Variants in SEPTIN9 observed in about 807,000 individuals in gnomAD.
SEPTIN9 encodes septin-9.
SEPTIN9 carries 13 observed loss-of-function variants against 56.6 expected under a neutral mutation model. The ratio of observed to expected loss-of-function variants is 0.23; its 90% CI spans 0.15 to 0.37. The LOEUF (loss-of-function observed/expected upper bound fraction) is 0.37. SEPTIN9 is among the 10% of genes least tolerant of loss of function. The pLI is 1.00. For missense variants in SEPTIN9, 650 were observed against 823.1 expected (o/e 0.79, Z 2.57); for synonymous variants, 332 against 334.1 (o/e 0.99, Z 0.07).
intron 3 of SEPTIN9, among the ~76,000 whole-genome samples, chr17:77,460,565 C>T (rs1043553333): frequency 3.9e-5 from 6 of 152,148 alleles, no homozygotes; most frequent in African/African-American, 7.2e-5. Flanking sequence ...ATACGGGGAG[C>T]GAGAGGGCTT....
At chr17:77,441,918 T>G (rs965920532) in intron 3 of SEPTIN9, among the ~76,000 whole-genome samples, 3 of 152,154 alleles carry the variant, frequency 2.0e-5, no homozygotes, top group Non-Finnish European at 1.5e-5. Context: ...GACACTGCAG[T>G]GAAGAGGTGG....
chr17:77,388,760 C>T (rs556307618), intron 2 of SEPTIN9, among the ~76,000 whole-genome samples: 5 of 147,534 alleles, frequency 3.4e-5, no homozygotes, highest in Admixed American at 6.7e-5. Context: ...CAGAGAGCCC[C>T]GTGATTAATG....
At chr17:77,295,959 T>C (rs1475069645) in intron 1 of SEPTIN9, among the ~76,000 whole-genome samples, 2 of 152,088 alleles carry the variant, frequency 1.3e-5, no homozygotes, top group African/African-American at 4.8e-5. Flanking sequence ...TAACTCCCAA[T>C]GCAGCTGTAA....
chr17:77,496,861 T>C (rs1016305384), intron 10 of SEPTIN9, among the ~76,000 whole-genome samples: 8 of 152,224 alleles, frequency 5.3e-5, no homozygotes, highest in Non-Finnish European at 1.2e-4. Context: ...AGGTTTTCTT[T>C]AAAATCCCAG....
chr17:77,463,036 G>A (rs942384896), intron 3 of SEPTIN9, among the ~76,000 whole-genome samples: 56 of 152,164 alleles, frequency 3.7e-4, no homozygotes, highest in African/African-American at 1.4e-4. Flanking sequence ...CAGTGAGCCC[G>A]TGGGGGTCTC....
chr17:77,463,693 A>G (rs1419172408), intron 3 of SEPTIN9, among the ~76,000 whole-genome samples: 1 of 151,974 alleles, frequency 6.6e-6, no homozygotes, highest in Non-Finnish European at 1.5e-5. Flanking sequence ...AAATACAAAA[A>G]TTAGCCAGGC....
At chr17:77,287,159 G>A (rs984461570) in intron 1 of SEPTIN9, among the ~76,000 whole-genome samples, 12 of 152,220 alleles carry the variant, frequency 7.9e-5, no homozygotes, top group Non-Finnish European at 1.2e-4. Context: ...ATCTGGAATC[G>A]CTGACCAAAG....
At chr17:77,348,303 T>TTG (rs2033951401) in intron 2 of SEPTIN9, among the ~76,000 whole-genome samples, 1 of 144,568 alleles carries the variant, frequency 6.9e-6, no homozygotes, top group Admixed American at 6.9e-5. Context: ...TGTTTTTTTT[T>TTG]TTTTTTTTTT....
chr17:77,289,477 C>T (rs1445941014), intron 1 of SEPTIN9, among the ~76,000 whole-genome samples: 1 of 141,336 alleles, frequency 7.1e-6, no homozygotes, highest in East Asian at 2.2e-4. Flanking sequence ...GGCGCGATCT[C>T]AGCTCACTGC....
chr17:77,307,069 G>A, intron 1 of SEPTIN9, 72 bp from the exon 2 acceptor site: 1 of 1,380,114 alleles, frequency 7.2e-7, no homozygotes, highest in Non-Finnish European at 1.0e-6. Context: ...GACATTCCTG[G>A]TGTTAATCAT....
intron 3 of SEPTIN9, among the ~76,000 whole-genome samples, chr17:77,412,212 C>T (rs932365732): frequency 6.6e-6 from 1 of 152,034 alleles, no homozygotes; most frequent in Admixed American, 6.6e-5. Context: ...TAGGACCCCT[C>T]CCCTCGTCGA....
intron 3 of SEPTIN9, among the ~76,000 whole-genome samples, chr17:77,479,810 G>A (rs1428271078): frequency 6.6e-6 from 1 of 152,118 alleles, no homozygotes; most frequent in Admixed American, 6.5e-5. Flanking sequence ...GCTGGTCCCA[G>A]TCCCAGGCAA....
rs560462464 is a variant in SEPTIN9, at chr17:77,314,180, AT to A, written c.76+6997del. 5.8e-3 allele frequency among the ~76,000 whole-genome samples: 826 copies of A among 142,816 alleles called. 9 individuals carry two copies. The highest frequency in any genetic ancestry group is 0.027 in the South Asian group (124 of 4,514). The allele number at this position is 142,816 out of a possible 152,430, so 93.7% of individuals were successfully genotyped here. A position where few individuals can be genotyped will look rare whatever the true frequency, so the allele number is the denominator to read the frequency against. On this transcript the variant is annotated intron_variant, in intron 2 of 11. Transcript: ENST00000427177. ...GTAAGGCCCTGTTTCAAAAAAAAAAATTTTTTTTTTTTTTGAGGTGGAGTCT... is the reference window on the plus strand; with the variant it reads ...GTAAGGCCCTGTTTCAAAAAAAAAAATTTTTTTTTTTTTGAGGTGGAGTCT...
chr17:77,461,618 T>C (rs578259903), intron 3 of SEPTIN9, among the ~76,000 whole-genome samples: 11 of 152,376 alleles, frequency 7.2e-5, no homozygotes, highest in Admixed American at 3.3e-4. Flanking sequence ...TACTGTGACG[T>C]TGACCTTTTT....
intron 2 of SEPTIN9, among the ~76,000 whole-genome samples, chr17:77,348,479 TAGTAA>T (rs914048066): frequency 6.6e-6 from 1 of 152,006 alleles, no homozygotes; most frequent in Non-Finnish European, 1.5e-5. Context: ...TTTGTATTTT[TAGTAA>T]AGACGGGGTT....
chr17:77,383,517 C>T (rs183352166), intron 2 of SEPTIN9, among the ~76,000 whole-genome samples: 5 of 152,282 alleles, frequency 3.3e-5, no homozygotes, highest in Admixed American at 1.3e-4. Context: ...TGGCTGAGCA[C>T]GATGGAAATC....
rs1568114397 is a variant in SEPTIN9, at chr17:77,486,528, A to ATGTGTG, written c.914-896_914-895insTGTGTG. On this transcript the variant is annotated intron_variant, in intron 4 of 11. Coordinates refer to ENST00000427177, the MANE Select transcript of SEPTIN9 (RefSeq NM_001113491.2). Reference sequence around the variant, plus strand: ...TGTGTGTGTGTGTGTGTGTGCGCGCACGCGCGCGCGTGTTATATGTGATTT... The same window carrying ATGTGTG: ...TGTGTGTGTGTGTGTGTGTGCGCGCATGTGTGCGCGCGCGCGTGTTATATGTGATTT... 3.2e-4 allele frequency among the ~76,000 whole-genome samples: 32 copies of ATGTGTG among 100,486 alleles called. No individual in the cohort carries two copies. The East Asian group carries it at 7.5e-3, about 23-fold the overall frequency. The allele number at this position is 100,486 out of a possible 152,430, so 65.9% of individuals were successfully genotyped here.
intron 2 of SEPTIN9, among the ~76,000 whole-genome samples, chr17:77,364,240 G>A (rs181252693): frequency 7.2e-5 from 11 of 152,366 alleles, no homozygotes; most frequent in East Asian, 1.9e-4. Context: ...TTCCCAAGGC[G>A]GCAGGCCAAG....
Position 77,482,207 on chromosome 17 carries a change from A to G in SEPTIN9, c.785A>G (p.Lys262Arg), listed in dbSNP as rs2039483874. 6.2e-7 allele frequency: 1 copy of G among 1,611,722 alleles called. No individual in the cohort carries two copies. Among genetic ancestry groups the G allele is most frequent in the African/African-American group, 1.3e-5 (1 of 74,916 alleles). ...GACACCCCCAGAGATGCCGGGCTCAAGCAGGCGCCTGCATCACGGAACGAG... is the reference window on the plus strand; with the variant it reads ...GACACCCCCAGAGATGCCGGGCTCAGGCAGGCGCCTGCATCACGGAACGAG... ...MADTPRDAGL[K>R]QAPASRNEKA... is the part of the protein sequence containing the mutation. Residue 262 changes from lysine to arginine, a missense_variant, in exon 4 of 12, where the codon AAG becomes AGG. Coordinates refer to ENST00000427177, the MANE Select transcript of SEPTIN9 (RefSeq NM_001113491.2).
Sources: gnomAD v4.1 joint callset for allele counts (sites outside exome capture counted in the v4.1 genomes callset) on GRCh38, gnomAD v4.1.1 for gene constraint, MANE v1.5 for transcripts, NCBI Gene and HGNC (gene_info 2026-07-23, HGNC 2026-07-21) for gene names.